FNIP2: variants seen among roughly 807,000 people sequenced by gnomAD.
FNIP2 encodes the protein folliculin-interacting protein 2.
In FNIP2, 32 loss-of-function variants were observed where a neutral mutation model predicts 108.7. The observed-to-expected ratio is 0.29, with a 90% CI of 0.22 to 0.40. The LOEUF (loss-of-function observed/expected upper bound fraction) is 0.40, where lower values mean the gene tolerates loss of function less well. FNIP2 is among the 10% of genes least tolerant of loss of function. FNIP2 has a pLI of 1.00. For missense variants in FNIP2, 1,202 were observed against 1,381.6 expected (o/e 0.87, Z 2.06); for synonymous variants, 480 against 496.7 (o/e 0.97, Z 0.45).
At chr4:158,804,673 A>G (rs1366118481) in intron 1 of FNIP2, among the ~76,000 whole-genome samples, 1 of 152,106 alleles carries the variant, frequency 6.6e-6, no homozygotes, top group Non-Finnish European at 1.5e-5. Flanking sequence ...TGGCCTCTCA[A>G]AGCACTGCGA....
At chr4:158,879,775 G>A (rs1020859275) in intron 14 of FNIP2, among the ~76,000 whole-genome samples, 3 of 150,232 alleles carry the variant, frequency 2.0e-5, no homozygotes, top group Non-Finnish European at 4.4e-5. Context: ...ATCAAAAAGT[G>A]GGCAAAGGAT....
intron 7 of FNIP2, among the ~76,000 whole-genome samples, chr4:158,846,927 C>T (rs1300822583): frequency 6.6e-6 from 1 of 152,192 alleles, no homozygotes; most frequent in Non-Finnish European, 1.5e-5. Context: ...CAGCGCCACC[C>T]CTCCCCAATC....
chr4:158,770,361 T>G (rs937657480), intron 1 of FNIP2, among the ~76,000 whole-genome samples: 2 of 152,226 alleles, frequency 1.3e-5, no homozygotes, highest in Admixed American at 6.5e-5. Context: ...CTATGCTAGG[T>G]GCTTTTTGGC....
At chr4:158,859,519 C>A in intron 9 of FNIP2, 59 bp from the exon 10 acceptor site, 2 of 1,384,642 alleles carry the variant, frequency 1.4e-6, no homozygotes, top group African/African-American at 1.4e-5. Flanking sequence ...TAATACAGCC[C>A]AGTAGATAAG....
chr4:158,858,927 G>T, intron 8 of FNIP2, 130 bp from the exon 9 acceptor site: 1 of 712,478 alleles, frequency 1.4e-6, no homozygotes, highest in Non-Finnish European at 2.4e-6. Flanking sequence ...TTATAGAAAA[G>T]AATGAACTAA....
chr4:158,775,000 G>A (rs1462630626), intron 1 of FNIP2, among the ~76,000 whole-genome samples: 2 of 152,142 alleles, frequency 1.3e-5, no homozygotes, highest in Non-Finnish European at 2.9e-5. Flanking sequence ...TCCAAAAAGA[G>A]CATTGGTTTT....
intron 7 of FNIP2, among the ~76,000 whole-genome samples, chr4:158,840,084 AG>A (rs2126618869): frequency 6.6e-6 from 1 of 152,314 alleles, no homozygotes; most frequent in African/African-American, 2.4e-5. Flanking sequence ...CAGCCATACT[AG>A]GAGGTTGCAT....
chr4:158,838,646 A>G (rs1778947344), intron 7 of FNIP2, among the ~76,000 whole-genome samples: 1 of 152,224 alleles, frequency 6.6e-6, no homozygotes, highest in Non-Finnish European at 1.5e-5. Context: ...GAGTTCCCAT[A>G]TAACCTGCCC....
chr4:158,899,213 G>A (rs1455863426), intron 16 of FNIP2, among the ~76,000 whole-genome samples: 1 of 152,162 alleles, frequency 6.6e-6, no homozygotes, highest in Non-Finnish European at 1.5e-5. Context: ...GGATCGTGGT[G>A]GATAAGCTTT....
At chr4:158,897,568 T>C (rs1782804553) in intron 16 of FNIP2, among the ~76,000 whole-genome samples, 1 of 152,260 alleles carries the variant, frequency 6.6e-6, no homozygotes, top group South Asian at 2.1e-4. Context: ...ATTGTGGTTT[T>C]GATTTGCATT....
intron 13 of FNIP2, 36 bp downstream of exon 13, chr4:158,869,464 G>T: frequency 6.5e-7 from 1 of 1,532,150 alleles, no homozygotes. Flanking sequence ...AGGGAACTGG[G>T]TTCAAATCCC....
chr4:158,793,581 A>G (rs1776490336), intron 1 of FNIP2, among the ~76,000 whole-genome samples: 1 of 152,218 alleles, frequency 6.6e-6, no homozygotes, highest in African/African-American at 2.4e-5. Context: ...TCTTTGTTAT[A>G]TCATAATTCT....
intron 1 of FNIP2, among the ~76,000 whole-genome samples, chr4:158,794,102 A>G (rs569574493): frequency 6.6e-6 from 1 of 152,358 alleles, no homozygotes; most frequent in Non-Finnish European, 1.5e-5. Flanking sequence ...TATTGATAAC[A>G]TGTTGAATTA....
intron 14 of FNIP2, among the ~76,000 whole-genome samples, chr4:158,884,014 C>T (rs900275186): frequency 2.0e-5 from 3 of 150,840 alleles, no homozygotes; most frequent in Non-Finnish European, 4.4e-5. Flanking sequence ...GTTCCTGCCC[C>T]CCTTCAGGAG....
intron 1 of FNIP2, among the ~76,000 whole-genome samples, chr4:158,813,413 T>C (rs1475522875): frequency 6.6e-6 from 1 of 152,230 alleles, no homozygotes; most frequent in African/African-American, 2.4e-5. Context: ...GTTGTTTAAA[T>C]TTCTGTTTCT....
chr4:158,871,491 C>T, intron 14 of FNIP2: 1 of 985,186 alleles, frequency 1.0e-6, no homozygotes, highest in Non-Finnish European at 1.2e-6. Flanking sequence ...ACATCAGGCA[C>T]AGGCTAAACA....
At chr4:158,788,770 C>T (rs1355544666) in intron 1 of FNIP2, among the ~76,000 whole-genome samples, 1 of 152,226 alleles carries the variant, frequency 6.6e-6, no homozygotes, top group Non-Finnish European at 1.5e-5. Flanking sequence ...AATCTAATAA[C>T]TGCTGTAGCC....
At chr4:158,770,837 T>C (rs1482204902) in intron 1 of FNIP2, among the ~76,000 whole-genome samples, 1 of 152,204 alleles carries the variant, frequency 6.6e-6, no homozygotes, top group African/African-American at 2.4e-5. Context: ...GTGTCTGTAC[T>C]TTGACAGCTC....
chr4:158,781,723 G>C (rs1425876766), intron 1 of FNIP2, among the ~76,000 whole-genome samples: 1 of 152,040 alleles, frequency 6.6e-6, no homozygotes, highest in Non-Finnish European at 1.5e-5. Flanking sequence ...CAGCATGTTG[G>C]CCAGGCTGGT....
Sources: gnomAD v4.1 joint callset for allele counts (sites outside exome capture counted in the v4.1 genomes callset) on GRCh38, gnomAD v4.1.1 for gene constraint, MANE v1.5 for transcripts, NCBI Gene and HGNC (gene_info 2026-07-23, HGNC 2026-07-21) for gene names.